Variants in TK2 observed in about 807,000 individuals in gnomAD.
TK2 encodes thymidine kinase 2, also known as thymidine kinase 2, mitochondrial.
In TK2, 35 loss-of-function variants were observed where a neutral mutation model predicts 41.9. The ratio of observed to expected loss-of-function variants is 0.84; its 90% CI spans 0.64 to 1.11. The LOEUF (loss-of-function observed/expected upper bound fraction) is 1.11, where lower values mean the gene tolerates loss of function less well. TK2 is among the 50% of genes least tolerant of loss of function. The pLI is 0.00. For synonymous variants in TK2, 128 were observed against 129.1 expected, an observed-to-expected ratio of 0.99 and a Z score of 0.06; for missense variants, 320 against 351.1, an observed-to-expected ratio of 0.91 and a Z score of 0.71.
At position 66,508,045 on chromosome 16, in the gene TK2, T is replaced by A. The variant is rs774099595; in HGVS notation, c.*3923A>T. The A allele has an allele frequency of 3.9e-5, 6 of 152,256 alleles. No individual in the cohort carries two copies. Among genetic ancestry groups the A allele is most frequent in the Non-Finnish European group, 8.8e-5 (6 of 68,044 alleles). 9.4% of individuals were successfully genotyped at this position (152,256 alleles called of 1,614,324 possible). On this transcript the variant is annotated 3_prime_UTR_variant, in exon 10 of 10. Coordinates refer to ENST00000544898, the MANE Select transcript of TK2 (RefSeq NM_004614.5). Reference sequence around the variant, plus strand: ...ATTTGACCACTCTCTTATGTATGCATCTTTAGATTGTTACCAATATTTTGT... The same window carrying A: ...ATTTGACCACTCTCTTATGTATGCAACTTTAGATTGTTACCAATATTTTGT...
chr16:66,522,440 G>A (rs376904396), intron 6 of TK2, among the ~76,000 whole-genome samples: 81 of 152,318 alleles, frequency 5.3e-4, no homozygotes, highest in African/African-American at 1.8e-3. Context: ...AGAAAAGGAC[G>A]ACCAGGCAAT....
intron 3 of TK2, among the ~76,000 whole-genome samples, chr16:66,540,851 T>C (rs371086837): frequency 1.3e-5 from 2 of 152,228 alleles, no homozygotes; most frequent in South Asian, 4.1e-4. Flanking sequence ...CAGTCAACAC[T>C]TGCACTGTCC....
At chr16:66,523,119 T>C (rs1317924090) in intron 6 of TK2, among the ~76,000 whole-genome samples, 5 of 152,164 alleles carry the variant, frequency 3.3e-5, no homozygotes, top group Admixed American at 2.0e-4. Context: ...GATTCCAATA[T>C]GTGGGCTTTT....
At chr16:66,521,283 G>A (rs1964772330) in intron 6 of TK2, among the ~76,000 whole-genome samples, 1 of 152,226 alleles carries the variant, frequency 6.6e-6, no homozygotes, top group Admixed American at 6.5e-5. Context: ...GGGGGACTCT[G>A]GGACTGACAG....
At chr16:66,528,831 C>G (rs527981216) in intron 6 of TK2, among the ~76,000 whole-genome samples, 163 bp downstream of exon 6, 27 of 152,350 alleles carry the variant, frequency 1.8e-4, no homozygotes, top group Non-Finnish European at 3.2e-4. Flanking sequence ...AGATAGCTGT[C>G]TGCCATGAGG....
chr16:66,518,173 T>G (rs1964673716), intron 6 of TK2: 2 of 423,438 alleles, frequency 4.7e-6, no homozygotes, highest in South Asian at 4.2e-5. Context: ...GCTTGTACCC[T>G]GAGAACAGAG....
At position 66,511,923 on chromosome 16, in the gene TK2, C is replaced by A; in HGVS notation, c.*45G>T. 1.9e-6 allele frequency: 3 copies of A among 1,574,284 alleles called. No homozygotes were observed. The highest frequency in any genetic ancestry group is 2.6e-6 in the Non-Finnish European group (3 of 1,143,970). On this transcript the variant is annotated 3_prime_UTR_variant, in exon 10 of 10. Coordinates refer to ENST00000544898, the MANE Select transcript of TK2 (RefSeq NM_004614.5). ...AGATTGCTCCCAATAGCTAACTTGGCAGCAGCAGGCATTTTTCAGACATGA... is the reference window on the plus strand; with the variant it reads ...AGATTGCTCCCAATAGCTAACTTGGAAGCAGCAGGCATTTTTCAGACATGA...
At chr16:66,537,775 T>G (rs1279522073) in intron 3 of TK2, among the ~76,000 whole-genome samples, 7 of 152,110 alleles carry the variant, frequency 4.6e-5, no homozygotes, top group East Asian at 1.9e-4. Flanking sequence ...ATCTTCAGAG[T>G]GCCAGGATCC....
At chr16:66,521,101 ACT>A (rs1371259685) in intron 6 of TK2, among the ~76,000 whole-genome samples, 1 of 152,092 alleles carries the variant, frequency 6.6e-6, no homozygotes, top group African/African-American at 2.4e-5. Flanking sequence ...CTCGAGGGAG[ACT>A]CTGTCCAATC....
At chr16:66,515,323 C>A (rs1456182951) in intron 8 of TK2, among the ~76,000 whole-genome samples, 2 of 152,210 alleles carry the variant, frequency 1.3e-5, no homozygotes, top group Non-Finnish European at 2.9e-5. Flanking sequence ...CTGTGACCCT[C>A]ACCCATTGCC....
rs1350058171 is a variant in TK2 at position 66,514,012 on chromosome 16, C to G, written c.619-201G>C. The G allele has an allele frequency of 1.5e-6, 1 of 665,378 alleles. No individual in the cohort carries two copies. Among genetic ancestry groups the G allele is most frequent in the Non-Finnish European group, 2.8e-6 (1 of 363,010 alleles). 41.2% of individuals were successfully genotyped at this position (665,378 alleles called of 1,614,324 possible). On this transcript the variant is annotated intron_variant, in intron 8 of 9. Transcript: ENST00000544898. The surrounding 1 kb of genome is among the most constrained non-coding windows in gnomAD (Gnocchi z 4.2). ...GGTGGCCAGGCTGAGCAAAACAGCA[C>G]AAGTGTCACCAGCCACCCTGCTCTG...
At chr16:66,548,760 T>C in intron 2 of TK2, 1 of 565,460 alleles carries the variant, frequency 1.8e-6, no homozygotes, top group Non-Finnish European at 3.2e-6. Flanking sequence ...ATACAAATAC[T>C]TGTGTGCTCC....
intron 2 of TK2, 69 bp downstream of exon 2, chr16:66,548,909 C>T: frequency 6.8e-7 from 1 of 1,479,492 alleles, no homozygotes; most frequent in Non-Finnish European, 9.4e-7. Context: ...GCTTTTTACT[C>T]TGCTTTTTTC....
In TK2 at chr16:66,514,889, C is replaced by T. The variant is rs895243255; in HGVS notation, c.619-1078G>A. Among the ~76,000 whole-genome samples, 1 of 152,190 alleles carries T rather than the reference C, an allele frequency of 6.6e-6. No individual in the cohort carries two copies. Among genetic ancestry groups the T allele is most frequent in the African/African-American group, 2.4e-5 (1 of 41,444 alleles). ...ACCCCCAACCCCGTGCTCTCTGAAA[C>T]GTGTGCTGTGTCCACTAAGGGTTAA... is the stretch of plus-strand genomic sequence containing the variant. On this transcript the variant is annotated intron_variant, in intron 8 of 9. Coordinates refer to ENST00000544898, the MANE Select transcript of TK2 (RefSeq NM_004614.5). This position sits in a 1 kb window ranked among gnomAD's most constrained non-coding sequence, Gnocchi z 4.2.
At chr16:66,515,329 T>C (rs901637015) in intron 8 of TK2, among the ~76,000 whole-genome samples, 2 of 152,018 alleles carry the variant, frequency 1.3e-5, no homozygotes, top group African/African-American at 2.4e-5. Context: ...CCCTCACCCA[T>C]TGCCCTTCTA....
intron 4 of TK2, among the ~76,000 whole-genome samples, chr16:66,535,860 G>C (rs1965260664): frequency 6.6e-6 from 1 of 152,166 alleles, no homozygotes; most frequent in Non-Finnish European, 1.5e-5. Context: ...GCTCCTAGTA[G>C]AACTCAGAGT....
intron 5 of TK2, among the ~76,000 whole-genome samples, chr16:66,530,898 T>G (rs1339997929): frequency 3.3e-5 from 5 of 151,904 alleles, no homozygotes; most frequent in Non-Finnish European, 7.4e-5. Flanking sequence ...ATTTTTGTAT[T>G]TTTTAGTAGA....
In TK2 at chr16:66,541,897, G is replaced by A. The variant is rs1252238791; in HGVS notation, c.213C>T (p.Ser71=). Reference sequence around the variant, plus strand: ...GCTGTACCTCGACGTCTGTCGCGTTGGAGAAGAATTCCAGGCATGTCGTCT... The same window carrying A: ...GCTGTACCTCGACGTCTGTCGCGTTAGAGAAGAATTCCAGGCATGTCGTCT... ...SGKTTCLEFF[S]NATDVEVLTE... is the part of the protein sequence containing the mutation. The change falls in exon 3 of 10, where the codon TCC becomes TCT. Residue 71 remains serine, a synonymous_variant. Transcript: ENST00000544898. 1 of 1,614,024 alleles carries A rather than the reference G, an allele frequency of 6.2e-7. No individual in the cohort carries two copies. The highest frequency in any genetic ancestry group is 1.3e-5 in the African/African-American group (1 of 74,896).
In TK2 at chr16:66,513,825, ACAAG is replaced by A. The variant is rs1964524135; in HGVS notation, c.619-18_619-15del. ...TTCCAGGTATTCCTGCCAGGGAAAC[ACAAG>A]CAGTCTGTCGGGAGTGGACAGAGCA... On this transcript the variant is annotated splice_polypyrimidine_tract_variant and intron_variant, in intron 8 of 9. Coordinates refer to ENST00000544898, the MANE Select transcript of TK2 (RefSeq NM_004614.5). The A allele has an allele frequency of 6.2e-7, 1 of 1,613,638 alleles. No homozygotes were observed. The highest frequency in any genetic ancestry group is 1.3e-5 in the African/African-American group (1 of 75,012).
Sources: gnomAD v4.1 joint callset for allele counts (sites outside exome capture counted in the v4.1 genomes callset) on GRCh38, gnomAD v4.1.1 for gene constraint, Gnocchi (gnomAD v3.1) non-coding constraint, MANE v1.5 for transcripts, NCBI Gene and HGNC (gene_info 2026-07-23, HGNC 2026-07-21) for gene names.